The following NECAB2 variants were observed in gnomAD, a reference collection of about 807,000 sequenced individuals.
NECAB2 encodes N-terminal EF-hand calcium-binding protein 2.
In NECAB2, 68 loss-of-function variants were observed where a neutral mutation model predicts 51.9. The observed-to-expected ratio is 1.31, with a 90% CI of 1.08 to 1.60. The LOEUF (loss-of-function observed/expected upper bound fraction) is 1.60. NECAB2 is among the 40% of genes most tolerant of loss of function. The probability of loss-of-function intolerance (pLI) is 0.00; values close to 1 mark genes in which losing one functional copy is unlikely to be tolerated. For missense variants in NECAB2, 854 were observed against 490.3 expected (o/e 1.74, Z -7.00); for synonymous variants, 329 against 203.5 (o/e 1.62, Z -5.25).
At chr16:83,994,837 A>C in intron 8 of NECAB2, 149 bp downstream of exon 8, 1 of 910,228 alleles carries the variant, frequency 1.1e-6, no homozygotes, top group Non-Finnish European at 1.7e-6. Flanking sequence ...GGAGCTGCCG[A>C]GGACGAAGCT....
Position 84,000,586 on chromosome 16 carries a change from G to A in NECAB2, c.963-138G>A, listed in dbSNP as rs184334235. 1.7e-4 allele frequency: 111 copies of A among 635,328 alleles called. 1 individual carries two copies. The highest frequency in any genetic ancestry group is 1.1e-3 in the African/African-American group (63 of 55,438). The allele number at this position is 635,328 out of a possible 1,614,324, so 39.4% of individuals were successfully genotyped here. ...TGCTGGGGTCACCCTGTCGAGTCTC[G>A]ATGGAGGTCAAGACAGGAAGAAACA... On this transcript the variant is annotated intron_variant, in intron 10 of 12. Transcript: ENST00000305202.
At chr16:83,985,624 T>G (rs2084543628) in intron 5 of NECAB2, among the ~76,000 whole-genome samples, 1 of 149,310 alleles carries the variant, frequency 6.7e-6, no homozygotes, top group Non-Finnish European at 1.5e-5. Flanking sequence ...CAAGAGTGAG[T>G]CTCCATCTCA....
chr16:84,000,829 GAGGGAGACAGA>G, intron 11 of NECAB2, 28 bp downstream of exon 11: 1 of 1,602,732 alleles, frequency 6.2e-7, no homozygotes, highest in African/African-American at 1.4e-5. Context: ...CACAGCAGGT[GAGGGAGACAGA>G]GGGAAGTGGG....
At chr16:83,995,221 A>G (rs1240103449) in intron 8 of NECAB2, among the ~76,000 whole-genome samples, 1 of 152,184 alleles carries the variant, frequency 6.6e-6, no homozygotes, top group Non-Finnish European at 1.5e-5. Context: ...GTGACTCGGG[A>G]TAGAGTGCTC....
At chr16:83,996,270 G>A (rs1034818453) in intron 8 of NECAB2, among the ~76,000 whole-genome samples, 3 of 152,190 alleles carry the variant, frequency 2.0e-5, no homozygotes, top group Non-Finnish European at 4.4e-5. Context: ...ACTTGTTCCT[G>A]CCAGGCACAC....
chr16:83,993,484 G>T (rs1284575538), intron 6 of NECAB2: 1 of 154,026 alleles, frequency 6.5e-6, no homozygotes, highest in African/African-American at 2.4e-5. Flanking sequence ...AGGGCACTCT[G>T]TGTGTCTTCT....
intron 5 of NECAB2, among the ~76,000 whole-genome samples, chr16:83,988,693 T>A (rs1021867826): frequency 2.6e-5 from 4 of 152,172 alleles, no homozygotes; most frequent in African/African-American, 9.7e-5. Flanking sequence ...CTGGTAAAAT[T>A]TCAGAAATTT....
chr16:83,987,766 GTCCATAT>G (rs2084574214), intron 5 of NECAB2, among the ~76,000 whole-genome samples: 1 of 152,018 alleles, frequency 6.6e-6, no homozygotes, highest in Non-Finnish European at 1.5e-5. Flanking sequence ...AAACATAGTT[GTCCATAT>G]TTTGCACTAT....
rs1597206358 is a variant in NECAB2, at chr16:83,981,978, G to A, written c.459+851G>A. Among the ~76,000 whole-genome samples, 3 of 152,306 alleles carry A rather than the reference G, an allele frequency of 2.0e-5. No individual in the cohort carries two copies. The East Asian group carries it at 5.8e-4, about 29-fold the overall frequency. The stretch of plus-strand genomic sequence containing the variant: ...CCAGCCAGACCTGGCTGAGGGATCT[G>A]AGCTGGTTATTTCCCTTTCTGAGCC... On this transcript the variant is annotated intron_variant, in intron 5 of 12. Coordinates refer to ENST00000305202, the MANE Select transcript of NECAB2 (RefSeq NM_019065.3).
In NECAB2 at chr16:84,001,809, T is replaced by G. The variant is rs780103313; in HGVS notation, c.1041-16T>G. On this transcript the variant is annotated splice_polypyrimidine_tract_variant and intron_variant, in intron 11 of 12. Coordinates refer to ENST00000305202, the MANE Select transcript of NECAB2 (RefSeq NM_019065.3). ...ACTCCTGCCACCCCTGACTCACACA[T>G]GTCCCTGCGTCACAGGCACCTGCAG... 6.2e-7 allele frequency: 1 copy of G among 1,613,550 alleles called. No homozygotes were observed. Among genetic ancestry groups the G allele is most frequent in the Non-Finnish European group, 8.5e-7 (1 of 1,179,730 alleles).
intron 5 of NECAB2, among the ~76,000 whole-genome samples, chr16:83,988,708 G>A (rs557513128): frequency 5.6e-4 from 85 of 152,234 alleles, no homozygotes; most frequent in Middle Eastern, 3.4e-3. Flanking sequence ...AAATTTGCAG[G>A]TTTCTGGAGA....
At chr16:83,979,386 T>G (rs2084456104) in intron 3 of NECAB2, among the ~76,000 whole-genome samples, 1 of 152,114 alleles carries the variant, frequency 6.6e-6, no homozygotes, top group African/African-American at 2.4e-5. Context: ...CAAACCAGTG[T>G]GCAAGGGGTA....
chr16:83,990,945 T>A (rs1186918674), intron 6 of NECAB2, among the ~76,000 whole-genome samples: 11 of 152,194 alleles, frequency 7.2e-5, no homozygotes, highest in African/African-American at 2.4e-4. Flanking sequence ...TAATTGTTTA[T>A]GCAGAACTAT....
chr16:83,997,566 C>T (rs1317072691), intron 9 of NECAB2, among the ~76,000 whole-genome samples: 1 of 135,578 alleles, frequency 7.4e-6, no homozygotes, highest in Non-Finnish European at 1.5e-5. Context: ...CGGCTTACTG[C>T]AACCTCTGCC....
At chr16:83,983,434 C>G (rs956927612) in intron 5 of NECAB2, among the ~76,000 whole-genome samples, 3 of 152,154 alleles carry the variant, frequency 2.0e-5, no homozygotes, top group Non-Finnish European at 4.4e-5. Flanking sequence ...ATCTCTAGTA[C>G]TTCTCTGCTG....
rs140618627 is a variant in NECAB2 at position 83,976,323 on chromosome 16, T to G, written c.227-2121T>G. On this transcript the variant is annotated intron_variant, in intron 2 of 12. Transcript: ENST00000305202. ...GGGTTCAAGCTTCAGCTGTAGGACC[T>G]AGGCAAGTACCCTAAGGGCTCTGTG... Among the ~76,000 whole-genome samples, 777 of 152,334 alleles carry G rather than the reference T, an allele frequency of 5.1e-3. 7 individuals carry two copies. Among genetic ancestry groups the G allele is most frequent in the African/African-American group, 0.018 (736 of 41,580 alleles).
intron 5 of NECAB2, among the ~76,000 whole-genome samples, chr16:83,981,504 A>C (rs2084489407): frequency 6.6e-6 from 1 of 152,046 alleles, no homozygotes; most frequent in South Asian, 2.1e-4. Flanking sequence ...TGGTTCATGC[A>C]TCTGAACCCT....
intron 3 of NECAB2, among the ~76,000 whole-genome samples, chr16:83,980,206 A>G (rs568629524): frequency 6.6e-6 from 1 of 152,346 alleles, no homozygotes; most frequent in African/African-American, 2.4e-5. Context: ...CCAGTCCCAG[A>G]GGGCCTCAGC....
chr16:83,969,501 C>G (rs571900294), intron 1 of NECAB2, among the ~76,000 whole-genome samples: 15 of 151,854 alleles, frequency 9.9e-5, no homozygotes, highest in Non-Finnish European at 1.9e-4. Context: ...TCCAAGTCCT[C>G]TGTTCCCTTC....
Sources: allele counts gnomAD v4.1 joint callset (sites outside exome capture counted in the v4.1 genomes callset), GRCh38; gene constraint gnomAD v4.1.1; transcripts MANE v1.5; gene names NCBI Gene and HGNC (gene_info 2026-07-23, HGNC 2026-07-21).